OSBPL1A: variants seen among roughly 807,000 people sequenced by gnomAD.
OSBPL1A encodes oxysterol-binding protein-related protein 1.
OSBPL1A carries 80 observed loss-of-function variants against 137.1 expected under a neutral mutation model. The ratio of observed to expected loss-of-function variants is 0.58; its 90% CI spans 0.49 to 0.70. The LOEUF (loss-of-function observed/expected upper bound fraction) is 0.70, where lower values mean the gene tolerates loss of function less well. OSBPL1A is among the 30% of genes least tolerant of loss of function. The pLI, the probability that OSBPL1A is intolerant of heterozygous loss-of-function variation, is 0.00. For synonymous variants in OSBPL1A, 365 were observed against 389.7 expected (o/e 0.94, Z 0.75); for missense variants, 970 against 1,129.4 (o/e 0.86, Z 2.02).
chr18:24,390,602 G>T (rs1359261272), intron 1 of OSBPL1A, among the ~76,000 whole-genome samples: 1 of 144,154 alleles, frequency 6.9e-6, no homozygotes, highest in Non-Finnish European at 1.5e-5. Context: ...GGCTGAGGCA[G>T]GAGAATCACT....
intron 12 of OSBPL1A, among the ~76,000 whole-genome samples, chr18:24,313,093 C>T (rs2090652886): frequency 2.1e-5 from 3 of 144,824 alleles, no homozygotes; most frequent in East Asian, 2.1e-4. Flanking sequence ...CAGTGCACTC[C>T]AGCTTGGGTG....
chr18:24,206,266 A>C (rs999886829), intron 17 of OSBPL1A, among the ~76,000 whole-genome samples: 2 of 152,184 alleles, frequency 1.3e-5, no homozygotes, highest in Admixed American at 6.5e-5. Context: ...CAAATGGAAG[A>C]GATTTTTCAA....
intron 14 of OSBPL1A, among the ~76,000 whole-genome samples, chr18:24,289,418 G>GTGT (rs2090133775): frequency 1.1e-5 from 1 of 94,208 alleles, no homozygotes; most frequent in Non-Finnish European, 2.0e-5. Context: ...GTTTTTTCCT[G>GTGT]TTTTTTTTTT....
At chr18:24,326,145 T>C (rs1214029169) in intron 7 of OSBPL1A, among the ~76,000 whole-genome samples, 1 of 152,194 alleles carries the variant, frequency 6.6e-6, no homozygotes, top group Non-Finnish European at 1.5e-5. Context: ...CACTAGACTT[T>C]TGAGTGAAAA....
intron 15 of OSBPL1A, among the ~76,000 whole-genome samples, chr18:24,280,011 A>G (rs2146072643): frequency 6.6e-6 from 1 of 152,202 alleles, no homozygotes; most frequent in Non-Finnish European, 1.5e-5. Context: ...CAGTGGTGCA[A>G]TATCGGCTTA....
chr18:24,200,920 TA>T (rs1049058078), intron 17 of OSBPL1A, among the ~76,000 whole-genome samples: 3 of 152,194 alleles, frequency 2.0e-5, no homozygotes, highest in African/African-American at 7.2e-5. Context: ...TTTCCATATT[TA>T]AAAATTTCAC....
intron 15 of OSBPL1A, among the ~76,000 whole-genome samples, chr18:24,259,772 G>A (rs972565118): frequency 2.0e-5 from 3 of 151,884 alleles, no homozygotes; most frequent in African/African-American, 7.3e-5. Flanking sequence ...ATGGCTTTTG[G>A]ATAAAAAGTA....
intron 21 of OSBPL1A, among the ~76,000 whole-genome samples, chr18:24,175,996 C>G (rs1027148692): frequency 3.3e-5 from 5 of 152,226 alleles, no homozygotes; most frequent in African/African-American, 1.2e-4. Context: ...TCGCATTAAT[C>G]TATACTTTGT....
At chr18:24,361,939 G>A (rs537623550) in intron 4 of OSBPL1A, among the ~76,000 whole-genome samples, 2 of 147,546 alleles carry the variant, frequency 1.4e-5, no homozygotes, top group African/African-American at 5.0e-5. Flanking sequence ...GGAGATTGCA[G>A]TGAAGTGAGA....
At chr18:24,173,481 C>T (rs909809412) in intron 21 of OSBPL1A, among the ~76,000 whole-genome samples, 6 of 152,156 alleles carry the variant, frequency 3.9e-5, no homozygotes, top group African/African-American at 1.4e-4. Flanking sequence ...GGCGTGATCT[C>T]GGCTCATTGC....
At chr18:24,272,175 C>T in intron 15 of OSBPL1A, 1 of 983,892 alleles carries the variant, frequency 1.0e-6, no homozygotes. Context: ...CGCCGAGGCG[C>T]CTGCGAGGTC....
rs576533306 is a variant in OSBPL1A at position 24,170,381 on chromosome 18, G to A, written c.2364C>T (p.Asp788=). Residue 788 remains aspartate, a synonymous_variant, in exon 24 of 28, where the codon GAC becomes GAT. Coordinates refer to ENST00000319481, the MANE Select transcript of OSBPL1A (RefSeq NM_080597.4). ...CLYSVDPATF[D]AYKKNDKKNT... is the part of the protein sequence containing the mutation. ...TTTTCTTATCATTTTTTTTGTAAGCGTCAAACGTGGCAGGGTCAACACTGT... is the reference window on the plus strand; with the variant it reads ...TTTTCTTATCATTTTTTTTGTAAGCATCAAACGTGGCAGGGTCAACACTGT... 1.2e-4 allele frequency: 201 copies of A among 1,613,906 alleles called. 3 individuals carry two copies. The South Asian group carries it at 1.8e-3, about 15-fold the overall frequency.
intron 4 of OSBPL1A, among the ~76,000 whole-genome samples, chr18:24,351,939 C>T (rs1170918200): frequency 6.6e-6 from 1 of 152,144 alleles, no homozygotes; most frequent in Non-Finnish European, 1.5e-5. Flanking sequence ...AACATAAACT[C>T]AATATTTATT....
chr18:24,315,523 C>T (rs924545094), intron 11 of OSBPL1A, among the ~76,000 whole-genome samples: 6 of 147,230 alleles, frequency 4.1e-5, no homozygotes, highest in Admixed American at 2.8e-4. Flanking sequence ...ACAACAGAAT[C>T]CAAAATCTCC....
chr18:24,279,270 A>C (rs981269455), intron 15 of OSBPL1A, among the ~76,000 whole-genome samples: 20 of 151,466 alleles, frequency 1.3e-4, no homozygotes, highest in African/African-American at 4.8e-4. Flanking sequence ...AAAAAAAAAA[A>C]AATCAAAAAT....
At chr18:24,290,867 A>T (rs2146086531) in intron 14 of OSBPL1A, among the ~76,000 whole-genome samples, 1 of 152,302 alleles carries the variant, frequency 6.6e-6, no homozygotes, top group South Asian at 2.1e-4. Context: ...GTGCTCAGGG[A>T]TGCAGGGAAG....
chr18:24,349,468 A>G (rs2091400914), intron 4 of OSBPL1A, among the ~76,000 whole-genome samples: 1 of 152,240 alleles, frequency 6.6e-6, no homozygotes, highest in Non-Finnish European at 1.5e-5. Flanking sequence ...ATTAAAAATA[A>G]CAGCAGAAAT....
Position 24,271,628 on chromosome 18 carries a change from C to T in OSBPL1A, c.1281+9214G>A. ...TGCAAATACACCCACCTACCTGGGC[C>T]AGATCCGAGGACCCCGGCTGGCGCG... On this transcript the variant is annotated intron_variant, in intron 15 of 27. Transcript: ENST00000319481. The surrounding 1 kb of genome is among the most constrained non-coding windows in gnomAD (Gnocchi z 4.0). 1 of 985,902 alleles carries T rather than the reference C, an allele frequency of 1.0e-6. No homozygotes were observed. Among genetic ancestry groups the T allele is most frequent in the Non-Finnish European group, 1.2e-6 (1 of 830,292 alleles). The allele number at this position is 985,902 out of a possible 1,614,324, so 61.1% of individuals were successfully genotyped here.
At chr18:24,328,893 T>C (rs1027552202) in intron 7 of OSBPL1A, among the ~76,000 whole-genome samples, 2 of 152,208 alleles carry the variant, frequency 1.3e-5, no homozygotes, top group East Asian at 3.9e-4. Flanking sequence ...ATATATTACT[T>C]TAAATAAAAC....
Sources: gnomAD v4.1 joint callset for allele counts (sites outside exome capture counted in the v4.1 genomes callset) on GRCh38, gnomAD v4.1.1 for gene constraint, Gnocchi (gnomAD v3.1) non-coding constraint, MANE v1.5 for transcripts, NCBI Gene and HGNC (gene_info 2026-07-23, HGNC 2026-07-21) for gene names.